Variants in TK1 observed in about 807,000 individuals in gnomAD.
TK1 encodes the protein thymidine kinase 1.
TK1 carries 13 observed loss-of-function variants against 22.4 expected under a neutral mutation model. The ratio of observed to expected loss-of-function variants is 0.58; its 90% CI spans 0.38 to 0.92. The LOEUF is 0.92. Among genes scored for constraint, TK1 ranks in the 40% least tolerant of loss-of-function variants. The pLI is 0.00. For synonymous variants in TK1, 134 were observed against 125.4 expected (o/e 1.07, Z -0.46); for missense variants, 251 against 315.7 (o/e 0.80, Z 1.55).
In TK1 at chr17:78,175,518, A is replaced by C. The variant is rs766407095; in HGVS notation, c.393+11T>G. Reference sequence around the variant, plus strand: ...TCAATCCCAGCTCCAGACCTGGATCAGACGCCTTACCTTCCTCTGGAAGGT... The same window carrying C: ...TCAATCCCAGCTCCAGACCTGGATCCGACGCCTTACCTTCCTCTGGAAGGT... On this transcript the variant is annotated intron_variant, in intron 5 of 6. Coordinates refer to ENST00000301634, the MANE Select transcript of TK1 (RefSeq NM_003258.5). 1 of 1,611,722 alleles carries C rather than the reference A, an allele frequency of 6.2e-7. No homozygotes were observed. The highest frequency in any genetic ancestry group is 2.2e-5 in the East Asian group (1 of 44,846).
At chr17:78,175,821 C>T (rs1026234209) in intron 4 of TK1, among the ~76,000 whole-genome samples, 2 of 152,166 alleles carry the variant, frequency 1.3e-5, no homozygotes, top group African/African-American at 2.4e-5. Flanking sequence ...TCCACAACTG[C>T]GCAGCCCCTT....
At chr17:78,181,015 GA>G (rs1281991167) in intron 4 of TK1, among the ~76,000 whole-genome samples, 2 of 152,200 alleles carry the variant, frequency 1.3e-5, no homozygotes, top group Admixed American at 1.3e-4. Flanking sequence ...TTTGGGAGCT[GA>G]GGCATGCGGA....
intron 4 of TK1, among the ~76,000 whole-genome samples, chr17:78,175,891 C>T (rs2075696101): frequency 6.6e-6 from 1 of 152,228 alleles, no homozygotes; most frequent in Admixed American, 6.5e-5. Context: ...CGGACTTCCA[C>T]ACCAGCTGTG....
chr17:78,176,959 C>T (rs2075704987), intron 4 of TK1, among the ~76,000 whole-genome samples: 1 of 152,192 alleles, frequency 6.6e-6, no homozygotes, highest in African/African-American at 2.4e-5. Flanking sequence ...TGCTCCTTCA[C>T]CCGCCACATG....
Position 78,174,469 on chromosome 17 carries a change from C to G in TK1, c.*290G>C. ...ATGTCAACAGCGTGGGGCTCTGTCC[C>G]TCACCCCAAGGAGAGGGAGTGTGCC... On this transcript the variant is annotated 3_prime_UTR_variant, in exon 7 of 7. Transcript: ENST00000301634. The G allele has an allele frequency of 2.2e-6, 1 of 453,434 alleles. No individual in the cohort carries two copies. The highest frequency in any genetic ancestry group is 4.0e-6 in the Non-Finnish European group (1 of 252,452). 28.1% of individuals were successfully genotyped at this position (453,434 alleles called of 1,614,324 possible).
At chr17:78,175,317 C>T in intron 5 of TK1, 148 bp from the exon 6 acceptor site, 4 of 1,288,922 alleles carry the variant, frequency 3.1e-6, no homozygotes, top group East Asian at 2.6e-5. Flanking sequence ...ATGCCCGGCT[C>T]TGTCCCTTTG....
chr17:78,184,996 A>G, intron 3 of TK1, 59 bp downstream of exon 3: 1 of 1,280,616 alleles, frequency 7.8e-7, no homozygotes, highest in African/African-American at 1.5e-5. Context: ...GAGTCCTAAC[A>G]GTGTGTCCTG....
intron 4 of TK1, among the ~76,000 whole-genome samples, chr17:78,176,759 A>G (rs1159074777): frequency 6.6e-6 from 1 of 152,160 alleles, no homozygotes; most frequent in Non-Finnish European, 1.5e-5. Context: ...CATGGCTGCC[A>G]TTTGAGGCCG....
intron 3 of TK1, chr17:78,183,917 T>A (rs1336341033): frequency 1.3e-5 from 2 of 152,254 alleles, no homozygotes; most frequent in Admixed American, 1.3e-4. Flanking sequence ...TCAATGCTGC[T>A]GGCCCAGCCT....
At position 78,186,941 on chromosome 17, in the gene TK1, C is replaced by T. The variant is rs756240391; in HGVS notation, c.54G>A (p.Arg18=). ...CTGGCCCCCGCACCTGGATCTGCCC[C>T]CGGGTCTTGCTGGGGGAGCCAGGCA... ...TVLPGSPSKT[R]GQIQVILGPM... The change falls in exon 1 of 7, where the codon CGG becomes CGA. Residue 18 remains arginine, a synonymous_variant. Coordinates refer to ENST00000301634, the MANE Select transcript of TK1 (RefSeq NM_003258.5). 1.3e-4 allele frequency: 206 copies of T among 1,571,326 alleles called. 1 individual carries two copies. In the Middle Eastern group the frequency reaches 1.5e-3, roughly 11 times the overall value.
intron 4 of TK1, among the ~76,000 whole-genome samples, chr17:78,181,999 T>C (rs1034640571): frequency 6.6e-6 from 1 of 152,044 alleles, no homozygotes; most frequent in South Asian, 2.1e-4. Context: ...TCAAGTGATC[T>C]GTCCACCTTG....
intron 4 of TK1, 96 bp from the exon 5 acceptor site, chr17:78,175,714 G>C (rs1293679150): frequency 9.1e-7 from 1 of 1,099,184 alleles, no homozygotes; most frequent in East Asian, 2.4e-5. Flanking sequence ...TGACAACTCC[G>C]GCCATTTGGC....
Position 78,186,912 on chromosome 17 carries a change from A to T in TK1, c.66+17T>A. ...GACCACCTCATCCCCAGCCACGCGC[A>T]GGGCTGGCCCCCGCACCTGGATCTG... On this transcript the variant is annotated intron_variant, in intron 1 of 6. Coordinates refer to ENST00000301634, the MANE Select transcript of TK1 (RefSeq NM_003258.5). 4 of 1,566,436 alleles carry T rather than the reference A, an allele frequency of 2.6e-6. No individual in the cohort carries two copies. Among genetic ancestry groups the T allele is most frequent in the Non-Finnish European group, 3.5e-6 (4 of 1,155,896 alleles).
At chr17:78,187,173 G>T, upstream of TK1, 1 of 895,470 alleles carries the variant, frequency 1.1e-6, no homozygotes, top group Non-Finnish European at 1.8e-6. Context: ...GCCGCAGCCC[G>T]CCCCCTCGTG....
chr17:78,177,216 A>T (rs1482642619), intron 4 of TK1, among the ~76,000 whole-genome samples: 1 of 152,168 alleles, frequency 6.6e-6, no homozygotes, highest in African/African-American at 2.4e-5. Context: ...GATTAAACTT[A>T]TTATAGATTG....
chr17:78,177,378 A>G (rs2075708205), intron 4 of TK1, among the ~76,000 whole-genome samples: 1 of 152,226 alleles, frequency 6.6e-6, no homozygotes, highest in Admixed American at 6.5e-5. Context: ...CTCTCAGGCT[A>G]TGTGCCTAAG....
intron 3 of TK1, among the ~76,000 whole-genome samples, chr17:78,184,768 A>G (rs999560617): frequency 6.6e-5 from 10 of 152,016 alleles, no homozygotes; most frequent in African/African-American, 2.4e-4. Context: ...ATTTCTACAC[A>G]TTAAAGCCCA....
Position 78,175,631 on chromosome 17 carries a change from C to G in TK1, c.304-13G>C, listed in dbSNP as rs147462925. 1.2e-6 allele frequency: 2 copies of G among 1,611,332 alleles called. No homozygotes were observed. The highest frequency in any genetic ancestry group is 1.7e-6 in the Non-Finnish European group (2 of 1,178,860). ...CGATGTCAGGGAACTGGAAAGGGCACGTGGAGAAAGAGTGTGAGAGCTTCC... is the reference window on the plus strand; with the variant it reads ...CGATGTCAGGGAACTGGAAAGGGCAGGTGGAGAAAGAGTGTGAGAGCTTCC... On this transcript the variant is annotated splice_polypyrimidine_tract_variant and intron_variant, in intron 4 of 6. Coordinates refer to ENST00000301634, the MANE Select transcript of TK1 (RefSeq NM_003258.5).
intron 4 of TK1, 146 bp from the exon 5 acceptor site, chr17:78,175,764 CG>C: frequency 1.5e-6 from 1 of 666,366 alleles, no homozygotes; most frequent in Non-Finnish European, 2.5e-6. Context: ...CTCCCCAGGC[CG>C]GGGGACTGTG....
Sources: allele counts gnomAD v4.1 joint callset (sites outside exome capture counted in the v4.1 genomes callset), GRCh38; gene constraint gnomAD v4.1.1; transcripts MANE v1.5; gene names NCBI Gene and HGNC (gene_info 2026-07-23, HGNC 2026-07-21).